BCR: variants seen among roughly 807,000 people sequenced by gnomAD.
BCR encodes the protein BCR activator of RhoGEF and GTPase, also known as breakpoint cluster region protein.
In BCR, 58 loss-of-function variants were observed where a neutral mutation model predicts 138.6. The ratio of observed to expected loss-of-function variants is 0.42; its 90% CI spans 0.34 to 0.52. The LOEUF (loss-of-function observed/expected upper bound fraction) is 0.52. Among genes scored for constraint, BCR ranks in the 20% least tolerant of loss-of-function variants. The pLI is 0.06. For missense variants in BCR, 1,599 were observed against 1,727.2 expected (o/e 0.93, Z 1.32); for synonymous variants, 786 against 730.1 (o/e 1.08, Z -1.23).
chr22:23,306,723 G>A (rs1025476742), intron 16 of BCR: 3 of 152,286 alleles, frequency 2.0e-5, no homozygotes, highest in Non-Finnish European at 4.4e-5. Context: ...TGGTCAAAAG[G>A]CCTTGGAGGC....
intron 1 of BCR, among the ~76,000 whole-genome samples, chr22:23,204,486 A>T (rs1341871409): frequency 6.6e-6 from 1 of 151,894 alleles, no homozygotes; most frequent in Non-Finnish European, 1.5e-5. Context: ...AAATTAAGTC[A>T]TGTTGCTCTG....
chr22:23,187,328 C>T (rs1406170220), intron 1 of BCR, among the ~76,000 whole-genome samples: 1 of 138,832 alleles, frequency 7.2e-6, no homozygotes. Flanking sequence ...GGCAGTTTTC[C>T]TGTTGTGGGC....
chr22:23,181,940 G>C lies in BCR; in HGVS notation c.980G>C (p.Gly327Ala), dbSNP rs774467555. 1.6e-5 allele frequency: 26 copies of C among 1,612,770 alleles called. No individual in the cohort carries two copies. The highest frequency in any genetic ancestry group is 2.1e-5 in the Non-Finnish European group (25 of 1,179,860). ...SPRSFEDCGGGYTPDCSSNEN... is the reference protein window; with the variant it reads ...SPRSFEDCGGAYTPDCSSNEN... Reference sequence around the variant, plus strand: ...CGGAGTTTTGAGGATTGCGGAGGCGGCTATACCCCGGACTGCAGCTCCAAT... The same window carrying C: ...CGGAGTTTTGAGGATTGCGGAGGCGCCTATACCCCGGACTGCAGCTCCAAT... Residue 327 changes from glycine to alanine, a missense_variant, in exon 1 of 23, where the codon GGC becomes GCC. Transcript: ENST00000305877.
At chr22:23,265,000 A>G (rs2146280802) in intron 4 of BCR, 1 of 152,348 alleles carries the variant, frequency 6.6e-6, no homozygotes, top group Admixed American at 6.5e-5. Flanking sequence ...AAAAAAAGAA[A>G]AAAAACCTAG....
At position 23,235,023 on chromosome 22, in the gene BCR, G is replaced by GA. The variant is rs1227439792; in HGVS notation, c.1280-18772dup. On this transcript the variant is annotated intron_variant, in intron 1 of 22. Transcript: ENST00000305877. The stretch of plus-strand genomic sequence containing the variant: ...TTGATTTCTCAGCCACAGTGAGGGT[G>GA]AAAACCAGGGTCAGCTCGAGACTAT... 2.1e-5 allele frequency among the ~76,000 whole-genome samples: 3 copies of GA among 144,240 alleles called. 1 individual carries two copies. The highest frequency in any genetic ancestry group is 4.7e-5 in the Non-Finnish European group (3 of 63,386). 94.6% of individuals were successfully genotyped at this position (144,240 alleles called of 152,430 possible).
intron 21 of BCR, 72 bp from the exon 22 acceptor site, chr22:23,314,480 C>T: frequency 6.4e-7 from 1 of 1,558,928 alleles, no homozygotes; most frequent in Middle Eastern, 2.3e-4. Context: ...AGAACTCCAG[C>T]ACAGCCCAGC....
chr22:23,315,534 C>T lies in BCR; in HGVS notation c.*12C>T. On this transcript the variant is annotated 3_prime_UTR_variant, in exon 23 of 23. Coordinates refer to ENST00000305877, the MANE Select transcript of BCR (RefSeq NM_004327.4). Reference sequence around the variant, plus strand: ...CCACCGAAGTCTAAAGGTCCCAGTCCATCTCCTGGAGGCGGACAGATGGCC... The same window carrying T: ...CCACCGAAGTCTAAAGGTCCCAGTCTATCTCCTGGAGGCGGACAGATGGCC... 6.2e-7 allele frequency: 1 copy of T among 1,611,152 alleles called. No homozygotes were observed. The highest frequency in any genetic ancestry group is 8.5e-7 in the Non-Finnish European group (1 of 1,179,132).
intron 11 of BCR, 114 bp from the exon 12 acceptor site, chr22:23,287,983 T>TG (rs2073737056): frequency 2.9e-6 from 3 of 1,021,686 alleles, no homozygotes; most frequent in Non-Finnish European, 4.6e-6. Flanking sequence ...ACCTGGCCAC[T>TG]GGGCTCCAGC....
rs920461321 is a variant in BCR, at chr22:23,268,258, G to A, written c.1753-150G>A. The stretch of plus-strand genomic sequence containing the variant: ...GCGTGGGGAGGGGAGCAGGTGGGAG[G>A]GAGCAGCACGGAAGCGCCGAGGCCT... On this transcript the variant is annotated intron_variant, in intron 4 of 22. Coordinates refer to ENST00000305877, the MANE Select transcript of BCR (RefSeq NM_004327.4). The A allele has an allele frequency of 1.2e-4, 68 of 581,594 alleles. 1 individual carries two copies. In the Middle Eastern group the frequency reaches 2.6e-3, roughly 22 times the overall value. The allele number at this position is 581,594 out of a possible 1,614,324, so 36.0% of individuals were successfully genotyped here. A position where few individuals can be genotyped will look rare whatever the true frequency, so the allele number is the denominator to read the frequency against.
Position 23,315,480 on chromosome 22 carries a change from G to A in BCR, c.3774G>A (p.Pro1258=), listed in dbSNP as rs180782611. Residue 1258 remains proline (P), a synonymous_variant, in exon 23 of 23, where the codon CCG becomes CCA. Coordinates refer to ENST00000305877, the MANE Select transcript of BCR (RefSeq NM_004327.4). ...YFLQLEAIPA[P]DSKRQSILFS... ...TGCAGCTGGAGGCCATCCCTGCCCC[G>A]GACAGCAAGAGACAGAGCATCCTGT... The A allele has an allele frequency of 3.5e-5, 56 of 1,612,980 alleles. No homozygotes were observed. Among genetic ancestry groups the A allele is most frequent in the East Asian group, 2.0e-4 (9 of 44,880 alleles).
At chr22:23,240,755 T>C (rs897700569) in intron 1 of BCR, among the ~76,000 whole-genome samples, 1 of 152,172 alleles carries the variant, frequency 6.6e-6, no homozygotes, top group African/African-American at 2.4e-5. Flanking sequence ...ATCCACATTA[T>C]CATACACCTG....
chr22:23,289,941 C>G (rs923686909), intron 13 of BCR: 1 of 514,674 alleles, frequency 1.9e-6, no homozygotes, highest in Non-Finnish European at 3.5e-6. Context: ...CAGCCCTCCT[C>G]TCCTCCAGCT....
intron 1 of BCR, among the ~76,000 whole-genome samples, chr22:23,191,870 T>G (rs1295239398): frequency 6.6e-6 from 1 of 152,188 alleles, no homozygotes; most frequent in Non-Finnish European, 1.5e-5. Context: ...AACGTTGGCT[T>G]TGGAGATTAT....
intron 1 of BCR, among the ~76,000 whole-genome samples, chr22:23,201,569 T>C (rs2146209977): frequency 6.6e-6 from 1 of 152,312 alleles, no homozygotes; most frequent in Non-Finnish European, 1.5e-5. Context: ...GCCATTCTCC[T>C]GCCTCCGCCT....
chr22:23,197,056 C>T (rs2072493025), intron 1 of BCR, among the ~76,000 whole-genome samples: 1 of 152,230 alleles, frequency 6.6e-6, no homozygotes, highest in Non-Finnish European at 1.5e-5. Context: ...CTTGAGATTA[C>T]TTATAATACA....
chr22:23,287,701 G>A (rs2073732885), intron 11 of BCR, among the ~76,000 whole-genome samples: 1 of 152,218 alleles, frequency 6.6e-6, no homozygotes, highest in African/African-American at 2.4e-5. Context: ...TTTCTAGCCT[G>A]ACCAGGAGAG....
chr22:23,315,435 C>A lies in BCR; in HGVS notation c.3729C>A (p.Val1243=). 1 of 1,613,628 alleles carries A rather than the reference C, an allele frequency of 6.2e-7. No individual in the cohort carries two copies. Among genetic ancestry groups the A allele is most frequent in the South Asian group, 1.1e-5 (1 of 91,046 alleles). ...TCTTCCCTACTCTGCCCGGGCAGGTCCAGGTGCTGCTGTACTTCCTGCAGC... is the reference window on the plus strand; with the variant it reads ...TCTTCCCTACTCTGCCCGGGCAGGTACAGGTGCTGCTGTACTTCCTGCAGC... The part of the protein sequence containing the change: ...DSWSLEVMSQ[V]QVLLYFLQLE... Residue 1243 remains valine, a splice_region_variant and synonymous_variant, in exon 23 of 23, where the codon GTC becomes GTA. Coordinates refer to ENST00000305877, the MANE Select transcript of BCR (RefSeq NM_004327.4).
intron 1 of BCR, among the ~76,000 whole-genome samples, chr22:23,213,835 T>TAAAA (rs376154209): frequency 2.2e-5 from 3 of 136,162 alleles, no homozygotes; most frequent in African/African-American, 8.3e-5. Context: ...CCCTGTCTCT[T>TAAAA]AAAAAAAAAA....
At chr22:23,276,854 T>C (rs1416494211) in intron 8 of BCR, among the ~76,000 whole-genome samples, 1 of 152,216 alleles carries the variant, frequency 6.6e-6, no homozygotes, top group Non-Finnish European at 1.5e-5. Context: ...CTGCTACCAG[T>C]GTACTGATTT....
Sources: allele counts gnomAD v4.1 joint callset (sites outside exome capture counted in the v4.1 genomes callset), GRCh38; gene constraint gnomAD v4.1.1; transcripts MANE v1.5; gene names NCBI Gene and HGNC (gene_info 2026-07-23, HGNC 2026-07-21).